The following HRH4 variants were observed in gnomAD, a reference collection of about 807,000 sequenced individuals.
HRH4 encodes the protein histamine H4 receptor.
A neutral mutation model predicts 10.4 loss-of-function variants in HRH4; 12 were observed. The observed-to-expected ratio is 1.15, with a 90% confidence interval of 0.74 to 1.87. The LOEUF is 1.87. HRH4 is among the 40% of genes most tolerant of loss of function. HRH4 has a pLI of 0.00. For missense variants in HRH4, 415 were observed against 453.3 expected (o/e 0.92, Z 0.77); for synonymous variants, 154 against 166.6 (o/e 0.92, Z 0.58).
At position 24,468,852 on chromosome 18, in the gene HRH4, CTG is replaced by C. The variant is rs1176729043; in HGVS notation, c.262_263del (p.Val88IlefsTer6). 6.2e-7 allele frequency: 1 copy of C among 1,613,896 alleles called. No homozygotes were observed. The highest frequency in any genetic ancestry group is 2.2e-5 in the East Asian group (1 of 44,888). On this transcript the variant is annotated frameshift_variant, in exon 2 of 3. Transcript: ENST00000256906. LOFTEE classifies it high-confidence loss of function. Reference sequence around the variant, plus strand: ...TCGAATGGGATTTTGGAAAGGAAATCTGTGTATTTTGGCTCACTACTGACTAT... The same window carrying C: ...TCGAATGGGATTTTGGAAAGGAAATCTGTATTTTGGCTCACTACTGACTAT... ...LFEWDFGKEI[C>X]VFWLTTDYLL... is the part of the protein sequence containing the mutation.
At chr18:24,462,620 T>TTTGGG (rs1909673446) in intron 1 of HRH4, among the ~76,000 whole-genome samples, 1 of 152,108 alleles carries the variant, frequency 6.6e-6, no homozygotes, top group Non-Finnish European at 1.5e-5. Flanking sequence ...ACAGGAAGTA[T>TTTGGG]TTGGGCAGGA....
intron 1 of HRH4, 30 bp downstream of exon 1, chr18:24,460,951 C>G (rs748378093): frequency 1.5e-6 from 2 of 1,355,138 alleles, no homozygotes; most frequent in Non-Finnish European, 2.0e-6. Flanking sequence ...TTAAGACAGT[C>G]TTTTCCGATT....
chr18:24,469,844 G>C (rs1909887380), intron 2 of HRH4, among the ~76,000 whole-genome samples: 1 of 152,126 alleles, frequency 6.6e-6, no homozygotes, highest in African/African-American at 2.4e-5. Context: ...TTTTGGCGTA[G>C]GGATTATTTT....
At chr18:24,474,284 T>C (rs1188080236) in intron 2 of HRH4, among the ~76,000 whole-genome samples, 2 of 151,226 alleles carry the variant, frequency 1.3e-5, no homozygotes, top group Non-Finnish European at 2.9e-5. Context: ...GTGTATCGCA[T>C]GTGAGAGCTC....
At chr18:24,469,222 T>A (rs765379865) in intron 2 of HRH4, among the ~76,000 whole-genome samples, 11 of 152,180 alleles carry the variant, frequency 7.2e-5, no homozygotes, top group Admixed American at 3.3e-4. Flanking sequence ...TATAGTAGAT[T>A]GGATAGACAT....
Position 24,468,793 on chromosome 18 carries a change from A to G in HRH4, c.199A>G (p.Ile67Val), listed in dbSNP as rs1209506672. The change falls in exon 2 of 3, where the codon ATC becomes GTC. Residue 67 changes from isoleucine to valine, a missense_variant. Transcript: ENST00000256906. ...LAISDFFVGV[I>V]SIPLYIPHTL... ...CTTATGTTTTCCCTGTGCAGGTGTG[A>G]TCTCCATTCCTTTGTACATCCCTCA... 4 of 1,611,656 alleles carry G rather than the reference A, an allele frequency of 2.5e-6. No individual in the cohort carries two copies. The highest frequency in any genetic ancestry group is 1.3e-5 in the African/African-American group (1 of 74,766).
intron 2 of HRH4, among the ~76,000 whole-genome samples, chr18:24,472,192 C>T (rs1909987997): frequency 1.3e-5 from 2 of 152,104 alleles, no homozygotes; most frequent in South Asian, 2.1e-4. Flanking sequence ...ATTACAGGCG[C>T]GTGCCAGCGC....
At position 24,460,900 on chromosome 18, in the gene HRH4, G is replaced by T; in HGVS notation, c.172G>T (p.Ala58Ser). Residue 58 changes from alanine to serine, a missense_variant, in exon 1 of 3, where the codon GCC becomes TCC. Transcript: ENST00000256906. ...HRSSYFFLNLAISDFFVGVIS... is the reference protein window; with the variant it reads ...HRSSYFFLNLSISDFFVGVIS... ...AAGTAGTTATTTTTTTCTTAACTTG[G>T]CCATCTCTGACTTCTTTGTGGGTAA... The T allele has an allele frequency of 1.3e-6, 2 of 1,566,644 alleles. No individual in the cohort carries two copies. Among genetic ancestry groups the T allele is most frequent in the Non-Finnish European group, 8.7e-7 (1 of 1,146,968 alleles).
chr18:24,463,097 A>G (rs987920448), intron 1 of HRH4, among the ~76,000 whole-genome samples: 1 of 152,142 alleles, frequency 6.6e-6, no homozygotes, highest in South Asian at 2.1e-4. Flanking sequence ...TTGAATCAAG[A>G]TGGTTCTAGG....
At chr18:24,476,044 T>C (rs1009441887) in intron 2 of HRH4, among the ~76,000 whole-genome samples, 3 of 152,098 alleles carry the variant, frequency 2.0e-5, no homozygotes, top group Non-Finnish European at 4.4e-5. Context: ...AAAAAAAGTC[T>C]TTTTGTCTGT....
chr18:24,467,807 G>A (rs968720773), intron 1 of HRH4, among the ~76,000 whole-genome samples: 1 of 152,166 alleles, frequency 6.6e-6, no homozygotes, highest in Admixed American at 6.5e-5. Context: ...GCCTCCCAGA[G>A]GGCTGGGATT....
Position 24,477,624 on chromosome 18 carries a change from C to T in HRH4, c.*62C>T. The T allele has an allele frequency of 8.6e-7, 1 of 1,166,022 alleles. No homozygotes were observed. The highest frequency in any genetic ancestry group is 1.2e-6 in the Non-Finnish European group (1 of 832,818). The allele number at this position is 1,166,022 out of a possible 1,614,324, so 72.2% of individuals were successfully genotyped here. On this transcript the variant is annotated 3_prime_UTR_variant, in exon 3 of 3. Coordinates refer to ENST00000256906, the MANE Select transcript of HRH4 (RefSeq NM_021624.4). ...TCTCACCTAAATGAATCAGGTCTGC[C>T]CTTTATCTTGCCCTTTTCATTCTAC... is the stretch of plus-strand genomic sequence containing the variant.
At chr18:24,463,029 G>A (rs1909682673) in intron 1 of HRH4, among the ~76,000 whole-genome samples, 1 of 152,164 alleles carries the variant, frequency 6.6e-6, no homozygotes, top group Non-Finnish European at 1.5e-5. Context: ...GGCCCTGACT[G>A]CCCCAGTTTT....
At chr18:24,467,918 G>T (rs1909821284) in intron 1 of HRH4, among the ~76,000 whole-genome samples, 1 of 150,942 alleles carries the variant, frequency 6.6e-6, no homozygotes, top group African/African-American at 2.5e-5. Context: ...AAAAAGAGAT[G>T]TGAAAATGTG....
chr18:24,476,778 TGAA>T lies in HRH4; in HGVS notation c.392_394del (p.Lys131del). 3 of 1,614,178 alleles carry T rather than the reference TGAA, an allele frequency of 1.9e-6. No homozygotes were observed. The highest frequency in any genetic ancestry group is 2.5e-6 in the Non-Finnish European group (3 of 1,180,008). ...TATAGAACTCAACATACTGGGGTCT[TGAA>T]GATTGTTACTCTGATGGTGGCCGTT... On this transcript the variant is annotated inframe_deletion, in exon 3 of 3. Transcript: ENST00000256906.
chr18:24,470,501 A>T (rs141748355), intron 2 of HRH4, among the ~76,000 whole-genome samples: 217 of 129,858 alleles, frequency 1.7e-3, no homozygotes, highest in African/African-American at 2.1e-3. Context: ...TTGTTTCTCT[A>T]TTTTTTTTTT....
chr18:24,476,355 C>A (rs1448817538), intron 2 of HRH4, among the ~76,000 whole-genome samples: 1 of 152,170 alleles, frequency 6.6e-6, no homozygotes, highest in Non-Finnish European at 1.5e-5. Context: ...ATCAACTATT[C>A]TATTTCATTA....
intron 1 of HRH4, among the ~76,000 whole-genome samples, chr18:24,462,186 G>A (rs1386046167): frequency 6.6e-6 from 1 of 152,178 alleles, no homozygotes; most frequent in Non-Finnish European, 1.5e-5. Flanking sequence ...TCTTCCTAAG[G>A]GTGAGTGAGC....
intron 1 of HRH4, among the ~76,000 whole-genome samples, chr18:24,466,287 A>G (rs371551097): frequency 1.5e-5 from 2 of 129,212 alleles, no homozygotes; most frequent in Non-Finnish European, 3.2e-5. Context: ...TAATTTTTGT[A>G]TTTTTTTTTT....
Sources: allele counts gnomAD v4.1 joint callset (sites outside exome capture counted in the v4.1 genomes callset), GRCh38; gene constraint gnomAD v4.1.1; transcripts MANE v1.5; gene names NCBI Gene and HGNC (gene_info 2026-07-23, HGNC 2026-07-21).